The following RBFOX1 variants were observed in gnomAD, a reference collection of about 807,000 sequenced individuals.
The protein encoded by RBFOX1 is RNA binding protein fox-1 homolog 1.
In RBFOX1, 8 loss-of-function variants were observed where a neutral mutation model predicts 57.7. The ratio of observed to expected loss-of-function variants is 0.14; its 90% CI spans 0.08 to 0.25. The LOEUF (loss-of-function observed/expected upper bound fraction) is 0.25. Ranked by LOEUF, RBFOX1 falls within the 10% of genes least tolerant of loss-of-function variation. The pLI is 1.00. For synonymous variants in RBFOX1, 326 were observed against 222.4 expected (o/e 1.47, Z -4.15); for missense variants, 611 against 548.5 (o/e 1.11, Z -1.14).
At chr16:7,074,850 C>T (rs1185754501) in intron 4 of RBFOX1, among the ~76,000 whole-genome samples, 2 of 152,238 alleles carry the variant, frequency 1.3e-5, no homozygotes, top group African/African-American at 2.4e-5. Context: ...GTCTATTGCG[C>T]AACATATCTC....
chr16:7,247,123 T>C (rs1168636175), intron 4 of RBFOX1, among the ~76,000 whole-genome samples: 2 of 152,108 alleles, frequency 1.3e-5, no homozygotes, highest in African/African-American at 2.4e-5. Context: ...GGCCCTCAAG[T>C]GAGGAGGCTC....
At chr16:6,567,059 C>A (rs1202602458) in intron 2 of RBFOX1, among the ~76,000 whole-genome samples, 2 of 152,152 alleles carry the variant, frequency 1.3e-5, no homozygotes, top group Non-Finnish European at 2.9e-5. Context: ...TCAGACTCTT[C>A]CATAACTGAG....
chr16:6,081,398 G>A (rs558533537), intron 1 of RBFOX1, among the ~76,000 whole-genome samples: 1 of 152,232 alleles, frequency 6.6e-6, no homozygotes, highest in East Asian at 1.9e-4. Flanking sequence ...TCGGATGCCT[G>A]GGAATGTGAA....
chr16:7,393,817 T>G (rs2098088828), intron 4 of RBFOX1, among the ~76,000 whole-genome samples: 1 of 152,162 alleles, frequency 6.6e-6, no homozygotes, highest in South Asian at 2.1e-4. Context: ...CTAAGGTGAA[T>G]CATGCCAGCC....
intron 3 of RBFOX1, among the ~76,000 whole-genome samples, chr16:7,041,629 C>G (rs1253770461): frequency 6.6e-6 from 1 of 152,084 alleles, no homozygotes; most frequent in South Asian, 2.1e-4. Context: ...ACAGTCAGTA[C>G]CAATTTACCA....
intron 4 of RBFOX1, among the ~76,000 whole-genome samples, chr16:7,331,744 G>T (rs1283633995): frequency 6.6e-6 from 1 of 152,058 alleles, no homozygotes; most frequent in African/African-American, 2.4e-5. Flanking sequence ...ACTTGTTCAA[G>T]ATCACACAGC....
Position 7,031,808 on chromosome 16 carries a change from C to A in RBFOX1, c.-15-20249C>A, listed in dbSNP as rs552461918. 3.7e-3 allele frequency among the ~76,000 whole-genome samples: 566 copies of A among 152,220 alleles called. 2 individuals are homozygous for A. The highest frequency in any genetic ancestry group is 0.017 in the Middle Eastern group (5 of 294). On this transcript the variant is annotated intron_variant, in intron 3 of 15. Transcript: ENST00000550418. ...TGCAGATGGCTTGTGTCTCATGGGGCCTGGCTCACATGTAAGCCAACGTGG... is the reference window on the plus strand; with the variant it reads ...TGCAGATGGCTTGTGTCTCATGGGGACTGGCTCACATGTAAGCCAACGTGG...
intron 3 of RBFOX1, among the ~76,000 whole-genome samples, chr16:6,895,333 C>T (rs1011060740): frequency 6.6e-6 from 1 of 150,588 alleles, no homozygotes; most frequent in Non-Finnish European, 1.5e-5. Flanking sequence ...TGATGATTTA[C>T]TAAATATGGA....
In RBFOX1 at chr16:5,982,453, T is replaced by C. The variant is rs189410026; in HGVS notation, c.351+115118T>C. Reference sequence around the variant, plus strand: ...CCACACCCAGCTAATTTTTGTATTTTTTAGTAGAGAAGGGGTTTCGCCATG... The same window carrying C: ...CCACACCCAGCTAATTTTTGTATTTCTTAGTAGAGAAGGGGTTTCGCCATG... On this transcript the variant is annotated intron_variant, in intron 4 of 19. Transcript: ENST00000641259. 4.5e-3 allele frequency among the ~76,000 whole-genome samples: 688 copies of C among 152,180 alleles called. 9 individuals are homozygous for C. The highest frequency in any genetic ancestry group is 6.8e-3 in the Middle Eastern group (2 of 294).
chr16:7,614,796 AT>A (rs1361262198), intron 10 of RBFOX1: 1 of 152,192 alleles, frequency 6.6e-6, no homozygotes, highest in Non-Finnish European at 1.5e-5. Context: ...TTCTCCTCAA[AT>A]CCTTATGAAA....
chr16:6,238,294 G>C (rs878882353), intron 1 of RBFOX1, among the ~76,000 whole-genome samples: 3 of 152,068 alleles, frequency 2.0e-5, no homozygotes, highest in Admixed American at 2.0e-4. Context: ...AACGAAATTT[G>C]TCCTTTTGAA....
At chr16:6,612,863 A>AAATAATAATAAT (rs60899951) in intron 2 of RBFOX1, among the ~76,000 whole-genome samples, 3 of 132,242 alleles carry the variant, frequency 2.3e-5, no homozygotes, top group Non-Finnish European at 3.1e-5. Flanking sequence ...AAAAAAAAAA[A>AAATAATAATAAT]AATAATAATA....
chr16:6,992,369 C>A (rs962511257), intron 3 of RBFOX1, among the ~76,000 whole-genome samples: 1 of 152,078 alleles, frequency 6.6e-6, no homozygotes, highest in African/African-American at 2.4e-5. Context: ...AGGTACCCAC[C>A]ACCATGCCCA....
chr16:6,871,515 C>G (rs1451585300), intron 3 of RBFOX1, among the ~76,000 whole-genome samples: 2 of 152,018 alleles, frequency 1.3e-5, no homozygotes, highest in South Asian at 2.1e-4. Context: ...TTTCCTCTCC[C>G]TTATCCCTCA....
intron 3 of RBFOX1, among the ~76,000 whole-genome samples, chr16:5,669,289 C>G (rs1046421796): frequency 4.6e-5 from 7 of 152,086 alleles, no homozygotes; most frequent in African/African-American, 1.7e-4. Context: ...CTCTGTTTGA[C>G]TATCTCAGCC....
chr16:6,249,771 T>TC (rs1004262346), intron 1 of RBFOX1, among the ~76,000 whole-genome samples: 3 of 60,398 alleles, frequency 5.0e-5, no homozygotes, highest in African/African-American at 1.5e-4. Context: ...ACATTTTTTT[T>TC]CTTTTTTTTT....
intron 2 of RBFOX1, among the ~76,000 whole-genome samples, chr16:6,545,986 C>T (rs1567630345): frequency 6.6e-6 from 1 of 152,080 alleles, no homozygotes; most frequent in Non-Finnish European, 1.5e-5. Flanking sequence ...CTTCTCTGGG[C>T]CACTTTGGAA....
chr16:6,557,072 T>TATAC (rs2097112350), intron 2 of RBFOX1, among the ~76,000 whole-genome samples: 2 of 146,784 alleles, frequency 1.4e-5, no homozygotes, highest in Admixed American at 6.9e-5. Flanking sequence ...TACATACATA[T>TATAC]ATACATATAT....
intron 4 of RBFOX1, among the ~76,000 whole-genome samples, chr16:7,152,061 G>T (rs1567473059): frequency 6.6e-6 from 1 of 152,256 alleles, no homozygotes; most frequent in South Asian, 2.1e-4. Context: ...AGAGTATATT[G>T]TTGACAGTCC....
Sources: allele counts gnomAD v4.1 joint callset (sites outside exome capture counted in the v4.1 genomes callset), GRCh38; gene constraint gnomAD v4.1.1; transcripts MANE v1.5; gene names NCBI Gene and HGNC (gene_info 2026-07-23, HGNC 2026-07-21).